Variants in DCC observed in about 807,000 individuals in gnomAD.
DCC encodes the protein netrin receptor DCC.
In DCC, 58 loss-of-function variants were observed where a neutral mutation model predicts 172.5. The observed-to-expected ratio is 0.34, with a 90% confidence interval of 0.27 to 0.42. DCC has a LOEUF of 0.42. Ranked by LOEUF, DCC falls within the 10% of genes least tolerant of loss-of-function variation. DCC has a pLI of 1.00. For synonymous variants in DCC, 709 were observed against 644.5 expected, an observed-to-expected ratio of 1.10 and a Z score of -1.52; for missense variants, 1,740 against 1,791.0, an observed-to-expected ratio of 0.97 and a Z score of 0.51.
intron 7 of DCC, among the ~76,000 whole-genome samples, chr18:53,070,795 T>C (rs2042641420): frequency 6.6e-6 from 1 of 152,204 alleles, no homozygotes; most frequent in African/African-American, 2.4e-5. Context: ...CCATTGTGAC[T>C]GTCTTATATT....
chr18:53,034,779 G>A (rs1424756726), intron 5 of DCC, among the ~76,000 whole-genome samples: 1 of 151,818 alleles, frequency 6.6e-6, no homozygotes, highest in Non-Finnish European at 1.5e-5. Context: ...GAAAGATCTG[G>A]CATTGGTGTG....
At chr18:53,151,119 T>A (rs1237672252) in intron 7 of DCC, among the ~76,000 whole-genome samples, 1 of 152,234 alleles carries the variant, frequency 6.6e-6, no homozygotes, top group Non-Finnish European at 1.5e-5. Context: ...TAACATTGAA[T>A]GGATTAATAA....
chr18:52,633,009 A>C, intron 1 of DCC, among the ~76,000 whole-genome samples: 1 of 152,294 alleles, frequency 6.6e-6, no homozygotes, highest in Admixed American at 6.5e-5. Flanking sequence ...GAAATTAGTA[A>C]CCTTTCTGTC....
intron 1 of DCC, among the ~76,000 whole-genome samples, chr18:52,393,101 A>G (rs1012720672): frequency 1.3e-5 from 2 of 152,068 alleles, no homozygotes; most frequent in Non-Finnish European, 2.9e-5. Context: ...TCACTGTGGG[A>G]TGAGATATGT....
At chr18:53,144,768 T>G (rs2043880546) in intron 7 of DCC, among the ~76,000 whole-genome samples, 1 of 152,176 alleles carries the variant, frequency 6.6e-6, no homozygotes, top group Non-Finnish European at 1.5e-5. Flanking sequence ...CTTTATATTT[T>G]GAGACTGTAC....
intron 5 of DCC, among the ~76,000 whole-genome samples, chr18:53,029,021 G>A (rs1195965856): frequency 1.3e-5 from 2 of 151,818 alleles, no homozygotes; most frequent in Admixed American, 6.6e-5. Context: ...TCACAAAGAG[G>A]TGAACTAAAA....
At chr18:53,137,967 C>T (rs1007476928) in intron 7 of DCC, among the ~76,000 whole-genome samples, 3 of 151,304 alleles carry the variant, frequency 2.0e-5, no homozygotes, top group Non-Finnish European at 4.4e-5. Flanking sequence ...TGGTGCATGC[C>T]ACCATGCCCT....
intron 5 of DCC, among the ~76,000 whole-genome samples, chr18:52,993,077 C>CT (rs2041421122): frequency 6.6e-6 from 1 of 151,080 alleles, no homozygotes. Context: ...AGTAATCAGT[C>CT]TTTTTTTTCT....
At chr18:52,661,644 C>T (rs139319207) in intron 1 of DCC, among the ~76,000 whole-genome samples, 74 of 152,326 alleles carry the variant, frequency 4.9e-4, no homozygotes, top group Admixed American at 1.4e-3. Flanking sequence ...GGAAACCCAG[C>T]CCCACTTGTG....
At chr18:52,786,445 C>T (rs1477287577) in intron 2 of DCC, among the ~76,000 whole-genome samples, 1 of 151,804 alleles carries the variant, frequency 6.6e-6, no homozygotes, top group Non-Finnish European at 1.5e-5. Context: ...TTTTATCTCT[C>T]CAGTCCTCAT....
chr18:52,848,084 T>A (rs2038922942), intron 2 of DCC, among the ~76,000 whole-genome samples: 1 of 68,556 alleles, frequency 1.5e-5, no homozygotes, highest in Admixed American at 1.4e-4. Flanking sequence ...CTTTTCTAAT[T>A]TTTTTTTTTT....
At chr18:52,497,278 AAAATAT>A (rs2030808314) in intron 1 of DCC, among the ~76,000 whole-genome samples, 1 of 60,990 alleles carries the variant, frequency 1.6e-5, no homozygotes, top group African/African-American at 8.0e-5. Context: ...AAAAAAAAAA[AAAATAT>A]ATATATATAT....
intron 15 of DCC, among the ~76,000 whole-genome samples, chr18:53,384,192 A>G (rs911708375): frequency 6.6e-6 from 1 of 152,142 alleles, no homozygotes; most frequent in Non-Finnish European, 1.5e-5. Flanking sequence ...TTGCAAGTGG[A>G]TAAGTTTGTA....
At chr18:53,267,088 ACACACACACACACTCTCTCTCT>A (rs1416408462) in intron 12 of DCC, among the ~76,000 whole-genome samples, 1 of 145,816 alleles carries the variant, frequency 6.9e-6, no homozygotes, top group African/African-American at 2.6e-5. Flanking sequence ...ACCTTTATAT[ACACACACACACACTCTCTCTCT>A]CACACACACA....
intron 5 of DCC, among the ~76,000 whole-genome samples, chr18:52,942,258 C>T (rs1469002174): frequency 6.6e-6 from 1 of 152,122 alleles, no homozygotes; most frequent in Non-Finnish European, 1.5e-5. Context: ...TTAGTCTATA[C>T]ATCTTTTGTT....
At chr18:53,108,709 C>G (rs1431742484) in intron 7 of DCC, among the ~76,000 whole-genome samples, 2 of 151,582 alleles carry the variant, frequency 1.3e-5, no homozygotes, top group African/African-American at 4.8e-5. Flanking sequence ...TGTGTCTAGC[C>G]TTTTTTTCTG....
At chr18:52,527,320 G>A (rs1327747178) in intron 1 of DCC, among the ~76,000 whole-genome samples, 1 of 152,032 alleles carries the variant, frequency 6.6e-6, no homozygotes, top group African/African-American at 2.4e-5. Flanking sequence ...AGCCTTTTTT[G>A]AAACAAAGAG....
chr18:52,452,389 A>G (rs1988332942), intron 1 of DCC, among the ~76,000 whole-genome samples: 1 of 152,164 alleles, frequency 6.6e-6, no homozygotes, highest in Non-Finnish European at 1.5e-5. Context: ...AATTATTCCG[A>G]AAGAAGTTCT....
In DCC at chr18:52,906,834, C is replaced by T. The variant is rs568353121; in HGVS notation, c.697+506C>T. ...ATTAAAATTAGGCTGATCTTATCTA[C>T]TTTGTTTATTTTACAGGGCTGTTTT... On this transcript the variant is annotated intron_variant, in intron 3 of 28. Coordinates refer to ENST00000442544, the MANE Select transcript of DCC (RefSeq NM_005215.4). Among the ~76,000 whole-genome samples the T allele has an allele frequency of 1.7e-4, 20 of 116,152 alleles. No individual in the cohort carries two copies. In the South Asian group the frequency reaches 6.8e-3, roughly 39 times the overall value. 76.2% of individuals were successfully genotyped at this position (116,152 alleles called of 152,430 possible).
Sources: gnomAD v4.1 joint callset for allele counts (sites outside exome capture counted in the v4.1 genomes callset) on GRCh38, gnomAD v4.1.1 for gene constraint, MANE v1.5 for transcripts, NCBI Gene and HGNC (gene_info 2026-07-23, HGNC 2026-07-21) for gene names.